The following NEBL variants were observed in gnomAD, a reference collection of about 807,000 sequenced individuals.
The protein encoded by NEBL is nebulette, also known as LIM and SH3 protein 2.
In NEBL, 122 loss-of-function variants were observed where a neutral mutation model predicts 140.2. The observed-to-expected ratio is 0.87, with a 90% CI of 0.75 to 1.01. NEBL has a LOEUF of 1.01. NEBL is among the 50% of genes least tolerant of loss of function. The pLI is 0.00. For missense variants in NEBL, 1,365 were observed against 1,231.3 expected (o/e 1.11, Z -1.62); for synonymous variants, 436 against 398.9 (o/e 1.09, Z -1.11).
intron 3 of NEBL, among the ~76,000 whole-genome samples, chr10:20,992,645 T>C (rs892697929): frequency 6.6e-6 from 1 of 151,882 alleles, no homozygotes; most frequent in African/African-American, 2.4e-5. Flanking sequence ...CCTCCAGACC[T>C]AGCTCTCCTA....
chr10:20,830,510 A>G (rs1295081551), intron 16 of NEBL, among the ~76,000 whole-genome samples: 1 of 152,190 alleles, frequency 6.6e-6, no homozygotes, highest in African/African-American at 2.4e-5. Context: ...TGGGACAAGT[A>G]TATTTGACAA....
At chr10:20,935,801 T>C (rs1281536575) in intron 4 of NEBL, among the ~76,000 whole-genome samples, 2 of 152,146 alleles carry the variant, frequency 1.3e-5, no homozygotes, top group African/African-American at 4.8e-5. Flanking sequence ...ATTTGTGAAA[T>C]AATAATCTAA....
At chr10:21,189,237 A>G (rs575691316) in intron 3 of NEBL, among the ~76,000 whole-genome samples, 13 of 152,194 alleles carry the variant, frequency 8.5e-5, no homozygotes, top group African/African-American at 3.1e-4. Flanking sequence ...AGGCAAAAGG[A>G]GATTTAAGAC....
chr10:21,126,023 A>G (rs771501908), intron 2 of NEBL: 1 of 1,614,164 alleles, frequency 6.2e-7, no homozygotes, highest in Non-Finnish European at 8.5e-7. Context: ...CTCCGCAGCC[A>G]CCTGGCAAGC....
intron 3 of NEBL, among the ~76,000 whole-genome samples, chr10:21,214,708 C>T (rs1841967113): frequency 6.6e-6 from 1 of 152,032 alleles, no homozygotes. Flanking sequence ...TTTTTAACTG[C>T]TAATTCATGG....
intron 3 of NEBL, among the ~76,000 whole-genome samples, chr10:21,010,076 A>T (rs1434078417): frequency 6.6e-6 from 1 of 152,122 alleles, no homozygotes; most frequent in Non-Finnish European, 1.5e-5. Flanking sequence ...CAAAAAATAC[A>T]TTGTTAGGAA....
rs75446260 is a variant in NEBL, at chr10:20,849,666, T to C, written c.1116+729A>G. On this transcript the variant is annotated intron_variant, in intron 11 of 27. Coordinates refer to ENST00000377122, the MANE Select transcript of NEBL (RefSeq NM_006393.3). ...CTTGGCAGATGTGAATCCTTGGATT[T>C]TGAACTTCCAGCCTCCAGAACTGAA... Among the ~76,000 whole-genome samples the C allele has an allele frequency of 2.3e-3, 350 of 152,324 alleles. 12 individuals carry two copies. The East Asian group carries it at 0.053, about 23-fold the overall frequency.
chr10:20,998,924 T>G (rs2131706986), intron 3 of NEBL, among the ~76,000 whole-genome samples: 1 of 152,168 alleles, frequency 6.6e-6, no homozygotes, highest in East Asian at 1.9e-4. Context: ...CGCAGCAAGT[T>G]CTGGGGGCCG....
At chr10:21,203,549 C>T (rs1299302215) in intron 3 of NEBL, among the ~76,000 whole-genome samples, 1 of 152,054 alleles carries the variant, frequency 6.6e-6, no homozygotes, top group African/African-American at 2.4e-5. Context: ...TTTATTACTC[C>T]CTCTGTAACT....
chr10:21,136,394 T>C (rs969305817), intron 2 of NEBL, among the ~76,000 whole-genome samples: 1 of 152,168 alleles, frequency 6.6e-6, no homozygotes, highest in Non-Finnish European at 1.5e-5. Flanking sequence ...AGTGGCACCA[T>C]CACAGCTCGC....
chr10:21,125,636 G>A (rs557167569), intron 2 of NEBL: 3 of 480,680 alleles, frequency 6.2e-6, no homozygotes, highest in Admixed American at 3.5e-5. Context: ...TTGTTTCCCA[G>A]CCATCAAAAA....
At chr10:21,179,442 C>A (rs1450560411), upstream of NEBL, among the ~76,000 whole-genome samples, 1 of 152,120 alleles carries the variant, frequency 6.6e-6, no homozygotes, top group Non-Finnish European at 1.5e-5. Flanking sequence ...ATGTCCTGAT[C>A]ATTTCATCCC....
chr10:20,887,667 T>C (rs1209206169), intron 4 of NEBL, among the ~76,000 whole-genome samples: 1 of 152,212 alleles, frequency 6.6e-6, no homozygotes, highest in East Asian at 1.9e-4. Context: ...TCTGCCCACC[T>C]TGGCCTCCTG....
chr10:20,895,326 T>A (rs1221928560), intron 2 of NEBL, among the ~76,000 whole-genome samples: 1 of 151,758 alleles, frequency 6.6e-6, no homozygotes, highest in Non-Finnish European at 1.5e-5. Context: ...AATAGTAACA[T>A]AATAATAATA....
chr10:21,275,637 C>CTTT (rs11396394), intron 1 of NEBL, among the ~76,000 whole-genome samples: 2,140 of 119,498 alleles, frequency 0.018, 48 homozygotes, highest in African/African-American at 0.021. Context: ...ACATTACCAG[C>CTTT]TTTTTTTTTT....
intron 2 of NEBL, among the ~76,000 whole-genome samples, chr10:21,098,851 A>T (rs1837328653): frequency 6.6e-6 from 1 of 152,258 alleles, no homozygotes. Context: ...AAATCTAGCC[A>T]GGCATGGCGG....
At position 21,172,087 on chromosome 10, in the gene NEBL, C is replaced by T. The variant is rs142499645; in HGVS notation, c.164+296G>A. ...CCTGACATGCACTTCAGAGCCCACA[C>T]GTTCTCAGTGGGGAAGTTCAGCAGC... On this transcript the variant is annotated intron_variant, in intron 2 of 6. Transcript: ENST00000417816. The T allele has an allele frequency of 1.9e-3, 797 of 416,128 alleles. 4 individuals carry two copies. Among genetic ancestry groups the T allele is most frequent in the African/African-American group, 0.015 (731 of 49,842 alleles). The allele number at this position is 416,128 out of a possible 1,614,324, so 25.8% of individuals were successfully genotyped here.
chr10:20,983,804 A>G (rs1837146242), intron 3 of NEBL, among the ~76,000 whole-genome samples: 1 of 152,234 alleles, frequency 6.6e-6, no homozygotes, highest in Admixed American at 6.5e-5. Flanking sequence ...GACATGTACA[A>G]TAAGGAAAAA....
chr10:21,147,810 G>A (rs1427682393), intron 2 of NEBL, among the ~76,000 whole-genome samples: 1 of 152,132 alleles, frequency 6.6e-6, no homozygotes, highest in African/African-American at 2.4e-5. Flanking sequence ...TCAGCATTCG[G>A]ACTTGAGGCT....
Sources: gnomAD v4.1 joint callset for allele counts (sites outside exome capture counted in the v4.1 genomes callset) on GRCh38, gnomAD v4.1.1 for gene constraint, MANE v1.5 for transcripts, NCBI Gene and HGNC (gene_info 2026-07-23, HGNC 2026-07-21) for gene names.